Variants in HPSE2 observed in about 807,000 individuals in gnomAD.
The protein encoded by HPSE2 is heparanase 2 (inactive), also known as inactive heparanase-2.
In HPSE2, 38 loss-of-function variants were observed where a neutral mutation model predicts 60.5. That is an observed-to-expected ratio of 0.63 (90% CI 0.48 to 0.82). The LOEUF is 0.82. Among genes scored for constraint, HPSE2 ranks in the 40% least tolerant of loss-of-function variants. The pLI is 0.00. For synonymous variants in HPSE2, 295 were observed against 293.2 expected (o/e 1.01, Z -0.06); for missense variants, 713 against 740.4 (o/e 0.96, Z 0.43).
chr10:98,505,331 C>T (rs144896159), intron 9 of HPSE2, among the ~76,000 whole-genome samples: 162 of 152,274 alleles, frequency 1.1e-3, no homozygotes, highest in African/African-American at 3.7e-3. Flanking sequence ...CAAAATTGTG[C>T]GACACTCCAG....
At chr10:99,177,040 G>T (rs762924059) in intron 2 of HPSE2, among the ~76,000 whole-genome samples, 5 of 152,016 alleles carry the variant, frequency 3.3e-5, no homozygotes, top group Non-Finnish European at 5.9e-5. Context: ...AAGTGAAGAA[G>T]AAATAAAATC....
chr10:98,517,770 G>T (rs1942650258), intron 9 of HPSE2, among the ~76,000 whole-genome samples: 1 of 152,154 alleles, frequency 6.6e-6, no homozygotes, highest in Non-Finnish European at 1.5e-5. Flanking sequence ...TGAAATTCCA[G>T]TGAAAACTTT....
At chr10:98,651,017 C>T (rs1252375070) in intron 6 of HPSE2, among the ~76,000 whole-genome samples, 2 of 152,202 alleles carry the variant, frequency 1.3e-5, no homozygotes, top group African/African-American at 4.8e-5. Context: ...TTTCTACCTA[C>T]ACTCACCAAC....
intron 3 of HPSE2, among the ~76,000 whole-genome samples, chr10:98,999,194 T>C (rs963861571): frequency 1.1e-4 from 17 of 150,208 alleles, no homozygotes; most frequent in African/African-American, 2.5e-4. Context: ...TGTGTGTGTG[T>C]GCATGTGTGT....
intron 9 of HPSE2, among the ~76,000 whole-genome samples, chr10:98,599,899 T>G (rs372590026): frequency 6.6e-6 from 1 of 152,184 alleles, no homozygotes; most frequent in East Asian, 1.9e-4. Context: ...CCCAGCCTTC[T>G]TTTTTGGCTA....
At chr10:98,647,024 T>C (rs1946788341) in intron 6 of HPSE2, among the ~76,000 whole-genome samples, 1 of 152,222 alleles carries the variant, frequency 6.6e-6, no homozygotes, top group South Asian at 2.1e-4. Flanking sequence ...AACTTAAAAT[T>C]GCTCCAAATG....
chr10:99,301,422 A>T, the HPSE2 span, among the ~76,000 whole-genome samples: 1 of 152,182 alleles, frequency 6.6e-6, no homozygotes, highest in African/African-American at 2.4e-5. Context: ...TCTTTGCAAA[A>T]GGTTAAATAT....
At chr10:98,829,646 T>A (rs942116271) in intron 3 of HPSE2, among the ~76,000 whole-genome samples, 3 of 152,176 alleles carry the variant, frequency 2.0e-5, no homozygotes, top group Admixed American at 6.5e-5. Flanking sequence ...GTAAATTTTA[T>A]GTCATGTATA....
chr10:98,938,130 A>C lies in HPSE2; in HGVS notation c.611-194074T>G, dbSNP rs1451574138. 8.4e-5 allele frequency among the ~76,000 whole-genome samples: 12 copies of C among 143,584 alleles called. 1 individual carries two copies. Among genetic ancestry groups the C allele is most frequent in the African/African-American group, 3.1e-4 (11 of 35,076 alleles). 94.2% of individuals were successfully genotyped at this position (143,584 alleles called of 152,430 possible). On this transcript the variant is annotated intron_variant, in intron 3 of 11. Transcript: ENST00000370552. Reference sequence around the variant, plus strand: ...AGACCAAAAGTAGATAAAACCACAAAGATGGGGAAAAAACAGAGCAGAAAA... The same window carrying C: ...AGACCAAAAGTAGATAAAACCACAACGATGGGGAAAAAACAGAGCAGAAAA...
chr10:99,104,071 T>C (rs536975171), intron 3 of HPSE2, among the ~76,000 whole-genome samples: 23 of 152,296 alleles, frequency 1.5e-4, no homozygotes, highest in African/African-American at 5.5e-4. Flanking sequence ...GACATAGGCA[T>C]GGACAAGGAC....
At chr10:98,816,003 A>T (rs1271850211) in intron 3 of HPSE2, among the ~76,000 whole-genome samples, 1 of 132,892 alleles carries the variant, frequency 7.5e-6, no homozygotes, top group Non-Finnish European at 1.6e-5. Flanking sequence ...CAGGAAGGGG[A>T]ACATCACACA....
intron 3 of HPSE2, among the ~76,000 whole-genome samples, chr10:99,127,614 T>C (rs1399158490): frequency 6.6e-6 from 1 of 152,326 alleles, no homozygotes; most frequent in East Asian, 1.9e-4. Context: ...TTGCTAGAGA[T>C]CTAGACAACT....
intron 9 of HPSE2, among the ~76,000 whole-genome samples, chr10:98,504,941 T>C (rs546135634): frequency 3.9e-5 from 6 of 152,370 alleles, no homozygotes; most frequent in South Asian, 4.1e-4. Flanking sequence ...GTTAGCTTTA[T>C]AAAAATGGTA....
chr10:98,995,860 T>C (rs1401581203), intron 3 of HPSE2, among the ~76,000 whole-genome samples: 3 of 151,994 alleles, frequency 2.0e-5, no homozygotes, highest in East Asian at 3.9e-4. Flanking sequence ...AATGAGTACA[T>C]GAAAAGGTGA....
chr10:98,986,253 C>T lies in HPSE2; in HGVS notation c.610+157985G>A, dbSNP rs369374135. On this transcript the variant is annotated intron_variant, in intron 3 of 11. Coordinates refer to ENST00000370552, the MANE Select transcript of HPSE2 (RefSeq NM_021828.5). ...CCACATAGTTGGAAGTAAAGCACTCCTCAGCAAATGTAAAAGAACAGAAAT... is the reference window on the plus strand; with the variant it reads ...CCACATAGTTGGAAGTAAAGCACTCTTCAGCAAATGTAAAAGAACAGAAAT... Among the ~76,000 whole-genome samples, 34 of 152,228 alleles carry T rather than the reference C, an allele frequency of 2.2e-4. 1 individual carries two copies. In the East Asian group the frequency reaches 6.6e-3, roughly 29 times the overall value.
intron 6 of HPSE2, among the ~76,000 whole-genome samples, chr10:98,643,366 C>A (rs1018396377): frequency 1.3e-5 from 2 of 152,142 alleles, no homozygotes; most frequent in African/African-American, 4.8e-5. Flanking sequence ...TCCTAATTGT[C>A]ACCTCACAAA....
intron 4 of HPSE2, among the ~76,000 whole-genome samples, chr10:98,731,654 C>G (rs1949230933): frequency 6.6e-6 from 1 of 152,074 alleles, no homozygotes; most frequent in Non-Finnish European, 1.5e-5. Context: ...TAAGAAAAAC[C>G]TAGACCTAAC....
intron 9 of HPSE2, among the ~76,000 whole-genome samples, chr10:98,577,369 C>A (rs1334087025): frequency 1.3e-5 from 2 of 152,164 alleles, no homozygotes; most frequent in African/African-American, 2.4e-5. Flanking sequence ...TATCAAATGA[C>A]TGTTTACTCT....
chr10:99,291,285 G>A, the HPSE2 span, among the ~76,000 whole-genome samples: 1 of 152,096 alleles, frequency 6.6e-6, no homozygotes, highest in Admixed American at 6.5e-5. Flanking sequence ...CTGATTAGTG[G>A]CTAAAGAATC....
Sources: allele counts gnomAD v4.1 joint callset (sites outside exome capture counted in the v4.1 genomes callset), GRCh38; gene constraint gnomAD v4.1.1; transcripts MANE v1.5; gene names NCBI Gene and HGNC (gene_info 2026-07-23, HGNC 2026-07-21).